Variants in ADAMTS13 observed in about 807,000 individuals in gnomAD.
The protein encoded by ADAMTS13 is ADAM metallopeptidase with thrombospondin type 1 motif 13, also known as A disintegrin and metalloproteinase with thrombospondin motifs 13.
In ADAMTS13, 110 loss-of-function variants were observed where a neutral mutation model predicts 155.1. That is an observed-to-expected ratio of 0.71 (90% CI 0.61 to 0.83). The LOEUF (loss-of-function observed/expected upper bound fraction) is 0.83. ADAMTS13 is among the 40% of genes least tolerant of loss of function. The pLI, the probability that ADAMTS13 is intolerant of heterozygous loss-of-function variation, is 0.00. For synonymous variants in ADAMTS13, 758 were observed against 756.4 expected, an observed-to-expected ratio of 1.00 and a Z score of -0.03; for missense variants, 1,707 against 1,891.7, an observed-to-expected ratio of 0.90 and a Z score of 1.81.
At chr9:133,450,648 C>T (rs782523959) in intron 23 of ADAMTS13, among the ~76,000 whole-genome samples, 3 of 151,730 alleles carry the variant, frequency 2.0e-5, no homozygotes, top group Non-Finnish European at 2.9e-5. Flanking sequence ...ACTTCAGAGG[C>T]GGAGGCAGGA....
chr9:133,432,031 A>G lies in ADAMTS13; in HGVS notation c.988-557A>G, dbSNP rs587772375. On this transcript the variant is annotated intron_variant, in intron 8 of 28. Coordinates refer to ENST00000355699, the MANE Select transcript of ADAMTS13 (RefSeq NM_139027.6). ...GTAATCCCAGCACTTTGGGAAGCCAAGGCAGGCGGATCACCTGAGGTCGGG... is the reference window on the plus strand; with the variant it reads ...GTAATCCCAGCACTTTGGGAAGCCAGGGCAGGCGGATCACCTGAGGTCGGG... 1.4e-4 allele frequency among the ~76,000 whole-genome samples: 18 copies of G among 132,844 alleles called. No homozygotes were observed. In the South Asian group the frequency reaches 3.6e-3, roughly 26 times the overall value. The allele number at this position is 132,844 out of a possible 152,430, so 87.2% of individuals were successfully genotyped here.
Position 133,448,668 on chromosome 9 carries a change from G to T in ADAMTS13, c.2801G>T (p.Gly934Val). The T allele has an allele frequency of 1.2e-6, 2 of 1,607,964 alleles. No individual in the cohort carries two copies. Among genetic ancestry groups the T allele is most frequent in the African/African-American group, 1.3e-5 (1 of 75,028 alleles). The change falls in exon 22 of 29, where the codon GGC becomes GTC. Residue 934 changes from glycine to valine, a missense_variant. Around this residue, in one of 3 missense-constraint regions of ADAMTS13, gnomAD observed 961 missense variants for 1,107.9 expected, o/e 0.87. Transcript: ENST00000355699. ...LRVPVQEELC[G>V]LASKPGSRRE... ...GTGCCTGTCCAGGAAGAGCTGTGTG[G>T]CCTGGCAAGCAAGCCTGGGAGCCGG...
intron 27 of ADAMTS13, 116 bp from the exon 28 acceptor site, chr9:133,457,793 AC>A: frequency 7.4e-7 from 1 of 1,347,798 alleles, no homozygotes. Flanking sequence ...TTGCCTGGGA[AC>A]CCCAATATTG....
At position 133,430,695 on chromosome 9, in the gene ADAMTS13, AT is replaced by A. The variant is rs1186301807; in HGVS notation, c.987+609del. The stretch of plus-strand genomic sequence containing the variant: ...ATAAATACAAGTCTTTTTTTTTCCT[AT>A]TTTTTTTTTTTTTTGAGACAGAGTC... On this transcript the variant is annotated intron_variant, in intron 8 of 28. Coordinates refer to ENST00000355699, the MANE Select transcript of ADAMTS13 (RefSeq NM_139027.6). 9.8e-3 allele frequency among the ~76,000 whole-genome samples: 439 copies of A among 44,936 alleles called. 1 individual carries two copies. The highest frequency in any genetic ancestry group is 0.015 in the Non-Finnish European group (201 of 13,714). The allele number at this position is 44,936 out of a possible 152,430, so 29.5% of individuals were successfully genotyped here. A position where few individuals can be genotyped will look rare whatever the true frequency, so the allele number is the denominator to read the frequency against.
chr9:133,440,547 A>G lies in ADAMTS13; in HGVS notation c.1968+22A>G. Reference sequence around the variant, plus strand: ...CCAGGTCAGCAGGAGAGCCTGGGGGAGGCCAGTGGGGGCTTCTTCTTGGGG... The same window carrying G: ...CCAGGTCAGCAGGAGAGCCTGGGGGGGGCCAGTGGGGGCTTCTTCTTGGGG... On this transcript the variant is annotated intron_variant, in intron 16 of 28. Transcript: ENST00000355699. This position sits in a 1 kb window ranked among gnomAD's most constrained non-coding sequence, Gnocchi z 4.3. 6.3e-7 allele frequency: 1 copy of G among 1,575,144 alleles called. No homozygotes were observed. Among genetic ancestry groups the G allele is most frequent in the Non-Finnish European group, 8.6e-7 (1 of 1,157,164 alleles).
exon 1 of ADAMTS13, chr9:133,414,365 C>G (rs1274236594): frequency 1.7e-6 from 1 of 596,044 alleles, no homozygotes; most frequent in African/African-American, 1.8e-5. Context: ...ACCCAACTGG[C>G]GAGAAGCAGG....
intron 8 of ADAMTS13, among the ~76,000 whole-genome samples, chr9:133,430,887 C>T (rs970643710): frequency 2.0e-5 from 3 of 152,242 alleles, no homozygotes; most frequent in African/African-American, 7.2e-5. Flanking sequence ...GTCTCGATCT[C>T]CTGACCTCGT....
chr9:133,450,143 C>A (rs1842345754), intron 23 of ADAMTS13, among the ~76,000 whole-genome samples, 178 bp downstream of exon 23: 2 of 151,756 alleles, frequency 1.3e-5, no homozygotes, highest in African/African-American at 2.4e-5. Flanking sequence ...AAAAAAAAAA[C>A]AAGACGGGGC....
rs1842782305 is a variant in ADAMTS13 at position 133,456,926 on chromosome 9, T to G, written c.3724+207T>G. 5.6e-6 allele frequency: 4 copies of G among 716,596 alleles called. No individual in the cohort carries two copies. In the East Asian group the frequency reaches 1.1e-4, roughly 20 times the overall value. The allele number at this position is 716,596 out of a possible 1,614,324, so 44.4% of individuals were successfully genotyped here. On this transcript the variant is annotated intron_variant, in intron 27 of 28. Transcript: ENST00000355699. This position sits in a 1 kb window ranked among gnomAD's most constrained non-coding sequence, Gnocchi z 4.4. ...GGATGAATGCTATATCCCTCCTTTT[T>G]GGGACCGTGCAGCAAGATGGACGGA...
intron 14 of ADAMTS13, 112 bp from the exon 15 acceptor site, chr9:133,439,254 G>A: frequency 1.1e-5 from 9 of 855,954 alleles, no homozygotes; most frequent in Non-Finnish European, 1.8e-5. Flanking sequence ...TGCTGCTGGA[G>A]CCAGCCCCAT....
intron 28 of ADAMTS13, among the ~76,000 whole-genome samples, 172 bp downstream of exon 28, chr9:133,458,266 T>C (rs1554796788): frequency 6.6e-6 from 1 of 152,180 alleles, no homozygotes; most frequent in African/African-American, 2.4e-5. Flanking sequence ...TTTTTTGAGC[T>C]ACCTACAAGA....
intron 23 of ADAMTS13, among the ~76,000 whole-genome samples, chr9:133,451,154 A>C (rs1842413350): frequency 6.6e-6 from 1 of 152,264 alleles, no homozygotes; most frequent in Admixed American, 6.5e-5. Context: ...ACTTTTCTAT[A>C]TCATACAGAA....
chr9:133,428,700 G>T lies in ADAMTS13; in HGVS notation c.753G>T (p.Ser251=). 7.3e-7 allele frequency: 1 copy of T among 1,360,690 alleles called. No individual in the cohort carries two copies. The highest frequency in any genetic ancestry group is 1.7e-5 in the South Asian group (1 of 59,036). The allele number at this position is 1,360,690 out of a possible 1,614,324, so 84.3% of individuals were successfully genotyped here. Residue 251 remains serine (S), a synonymous_variant, in exon 7 of 29, where the codon TCG becomes TCT. Coordinates refer to ENST00000355699, the MANE Select transcript of ADAMTS13 (RefSeq NM_139027.6). ...GCGPSGHVMA[S]DGAAPRAGLA... ...GCCCCAGCGGACACGTGATGGCTTC[G>T]GACGGCGCCGCGCCCCGCGCCGGCC...
Position 133,456,984 on chromosome 9 carries a change from C to A in ADAMTS13, c.3724+265C>A. On this transcript the variant is annotated intron_variant, in intron 27 of 28. Transcript: ENST00000355699. This position sits in a 1 kb window ranked among gnomAD's most constrained non-coding sequence, Gnocchi z 4.4. ...CATGGTCCACATCCTCAGTCAGTCC[C>A]TCAGGCCTCTGCCCCACACCCACCT... The A allele has an allele frequency of 3.4e-6, 2 of 589,632 alleles. No individual in the cohort carries two copies. The highest frequency in any genetic ancestry group is 6.3e-6 in the Non-Finnish European group (2 of 317,454). The allele number at this position is 589,632 out of a possible 1,614,324, so 36.5% of individuals were successfully genotyped here. A position where few individuals can be genotyped will look rare whatever the true frequency, so the allele number is the denominator to read the frequency against.
Position 133,425,073 on chromosome 9 carries a change from C to G in ADAMTS13, c.331-456C>G, listed in dbSNP as rs912760650. 6.6e-6 allele frequency among the ~76,000 whole-genome samples: 1 copy of G among 152,176 alleles called. No individual in the cohort carries two copies. The highest frequency in any genetic ancestry group is 1.5e-5 in the Non-Finnish European group (1 of 68,038). ...GGCGCGGTGGCTCATGCCTATAATC[C>G]CAGCACTTTGGGAGGCCAAGGCGGG... On this transcript the variant is annotated intron_variant, in intron 3 of 28. Coordinates refer to ENST00000355699, the MANE Select transcript of ADAMTS13 (RefSeq NM_139027.6). The surrounding 1 kb of genome is among the most constrained non-coding windows in gnomAD (Gnocchi z 4.6).
In ADAMTS13 at chr9:133,443,445, C is replaced by A; in HGVS notation, c.2304C>A (p.Arg768=). The A allele has an allele frequency of 6.3e-7, 1 of 1,594,110 alleles. No individual in the cohort carries two copies. Among genetic ancestry groups the A allele is most frequent in the Non-Finnish European group, 8.5e-7 (1 of 1,175,738 alleles). ...GTGGCCTGCGGGAGCGGCCAGTGCG[C>A]TGCGTGGAGGCCCAGGGCAGCCTCC... The part of the protein sequence containing the change: ...CGGGLRERPV[R]CVEAQGSLLK... Residue 768 remains arginine, a synonymous_variant, in exon 19 of 29, where the codon CGC becomes CGA. Transcript: ENST00000355699.
At chr9:133,432,872 C>T (rs1056413500) in intron 9 of ADAMTS13, among the ~76,000 whole-genome samples, 180 bp downstream of exon 9, 9 of 152,050 alleles carry the variant, frequency 5.9e-5, no homozygotes, top group Admixed American at 1.3e-4. Flanking sequence ...GCATTTGCTC[C>T]CATGCAGAAT....
At chr9:133,419,362 T>C (rs1216806172), upstream of ADAMTS13, among the ~76,000 whole-genome samples, 1 of 152,148 alleles carries the variant, frequency 6.6e-6, no homozygotes, top group Non-Finnish European at 1.5e-5. Flanking sequence ...AGACGTCTAA[T>C]CAGCAGCAGG....
intron 23 of ADAMTS13, among the ~76,000 whole-genome samples, chr9:133,450,479 C>T (rs2130917605): frequency 6.6e-6 from 1 of 151,338 alleles, no homozygotes; most frequent in African/African-American, 2.4e-5. Context: ...GAGGCAGAAT[C>T]GCTTGAACCG....
Sources: allele counts gnomAD v4.1 joint callset (sites outside exome capture counted in the v4.1 genomes callset), GRCh38; gene constraint gnomAD v4.1.1; regional missense constraint gnomAD v4.1.1; non-coding constraint Gnocchi (gnomAD v3.1); transcripts MANE v1.5; gene names NCBI Gene and HGNC (gene_info 2026-07-23, HGNC 2026-07-21).